The following STARD13 variants were observed in gnomAD, a reference collection of about 807,000 sequenced individuals.
The protein encoded by STARD13 is StAR related lipid transfer domain containing 13.
In STARD13, 62 loss-of-function variants were observed where a neutral mutation model predicts 106.4. The observed-to-expected ratio is 0.58, with a 90% CI of 0.48 to 0.72. STARD13 has a LOEUF of 0.72. Among genes scored for constraint, STARD13 ranks in the 30% least tolerant of loss-of-function variants. The pLI is 0.00. For missense variants in STARD13, 1,387 were observed against 1,424.0 expected, an observed-to-expected ratio of 0.97 and a Z score of 0.42; for synonymous variants, 565 against 553.0, an observed-to-expected ratio of 1.02 and a Z score of -0.31.
the STARD13 span, among the ~76,000 whole-genome samples, chr13:33,602,473 C>T: frequency 6.6e-6 from 1 of 152,158 alleles, no homozygotes; most frequent in Non-Finnish European, 1.5e-5. Flanking sequence ...GAAAAGAAAG[C>T]CAGAGCACAT....
chr13:33,251,983 A>C (rs1317786931), intron 1 of STARD13, among the ~76,000 whole-genome samples: 2 of 152,232 alleles, frequency 1.3e-5, no homozygotes, highest in Non-Finnish European at 2.9e-5. Flanking sequence ...CAAAACGATA[A>C]GCTTTATTCA....
At chr13:33,428,120 A>G in the STARD13 span, among the ~76,000 whole-genome samples, 23 of 152,346 alleles carry the variant, frequency 1.5e-4, no homozygotes, top group East Asian at 4.4e-3. Context: ...AACTGGATAT[A>G]CACATGCAGA....
the STARD13 span, among the ~76,000 whole-genome samples, chr13:33,566,113 T>C: frequency 6.7e-6 from 1 of 148,294 alleles, no homozygotes; most frequent in Non-Finnish European, 1.5e-5. Context: ...CTTCATCTCA[T>C]TACATCAGCA....
intron 1 of STARD13, among the ~76,000 whole-genome samples, chr13:33,225,292 G>A (rs1489221985): frequency 6.6e-6 from 1 of 152,190 alleles, no homozygotes; most frequent in Admixed American, 6.5e-5. Flanking sequence ...TCAGGCAGCT[G>A]TGCAGGGTCT....
the STARD13 span, among the ~76,000 whole-genome samples, chr13:33,566,249 T>C: frequency 2.0e-5 from 3 of 148,550 alleles, 1 homozygote; most frequent in African/African-American, 7.4e-5. Flanking sequence ...TAGTTACTGT[T>C]GGTTATCTCT....
At chr13:33,363,033 C>T in the STARD13 span, among the ~76,000 whole-genome samples, 5 of 152,068 alleles carry the variant, frequency 3.3e-5, no homozygotes, top group Admixed American at 2.6e-4. Context: ...AACTCCAGGA[C>T]CTTTGTCTCC....
chr13:33,422,495 T>C, the STARD13 span, among the ~76,000 whole-genome samples: 3 of 152,104 alleles, frequency 2.0e-5, no homozygotes, highest in Non-Finnish European at 4.4e-5. Context: ...GAAGAATCAA[T>C]ATCATGAAAA....
intron 3 of STARD13, chr13:33,164,073 T>C (rs1332976851): frequency 1.3e-5 from 2 of 152,080 alleles, no homozygotes; most frequent in African/African-American, 4.8e-5. Context: ...ATAAATGTCA[T>C]TTTGAGTTTG....
intron 1 of STARD13, among the ~76,000 whole-genome samples, chr13:33,307,114 T>C (rs1299240038): frequency 6.6e-6 from 1 of 152,140 alleles, no homozygotes; most frequent in East Asian, 1.9e-4. Flanking sequence ...AGATACCATC[T>C]CATGCCACTC....
chr13:33,646,931 T>C, the STARD13 span, among the ~76,000 whole-genome samples: 2 of 152,172 alleles, frequency 1.3e-5, no homozygotes, highest in African/African-American at 4.8e-5. Context: ...CAAAAATTAA[T>C]GATAAAAAGA....
At chr13:33,564,378 GAC>G in the STARD13 span, among the ~76,000 whole-genome samples, 1 of 145,610 alleles carries the variant, frequency 6.9e-6, no homozygotes, top group Non-Finnish European at 1.5e-5. Context: ...TTATCAAAAA[GAC>G]AACGAAAAAT....
the STARD13 span, among the ~76,000 whole-genome samples, chr13:33,372,240 G>A: frequency 6.6e-6 from 1 of 152,140 alleles, no homozygotes; most frequent in African/African-American, 2.4e-5. Flanking sequence ...AGTAAATAGG[G>A]AGTCATAATG....
At chr13:33,508,784 G>A in the STARD13 span, among the ~76,000 whole-genome samples, 1 of 152,284 alleles carries the variant, frequency 6.6e-6, no homozygotes, top group East Asian at 1.9e-4. Flanking sequence ...CAAATTCCGA[G>A]TAATGCATCA....
chr13:33,126,059 A>C, intron 7 of STARD13, 22 bp downstream of exon 7: 1 of 1,610,680 alleles, frequency 6.2e-7, no homozygotes, highest in South Asian at 1.1e-5. Context: ...GTGGGGCAGC[A>C]GCGGGGGGGT....
At chr13:33,379,792 C>G in the STARD13 span, among the ~76,000 whole-genome samples, 1 of 152,210 alleles carries the variant, frequency 6.6e-6, no homozygotes, top group Non-Finnish European at 1.5e-5. Context: ...CATTCTGATC[C>G]CAGGGTTCAC....
At chr13:33,418,702 C>A in the STARD13 span, among the ~76,000 whole-genome samples, 1 of 152,196 alleles carries the variant, frequency 6.6e-6, no homozygotes, top group Non-Finnish European at 1.5e-5. Context: ...CCAACAGACA[C>A]CTCATACAGG....
intron 1 of STARD13, among the ~76,000 whole-genome samples, chr13:33,331,129 C>T (rs2077831007): frequency 6.6e-6 from 1 of 152,136 alleles, no homozygotes; most frequent in Admixed American, 6.5e-5. Flanking sequence ...GCTCTGACCC[C>T]CCTTGCTAGT....
At chr13:33,521,029 G>A in the STARD13 span, among the ~76,000 whole-genome samples, 2 of 152,092 alleles carry the variant, frequency 1.3e-5, no homozygotes, top group Non-Finnish European at 2.9e-5. Context: ...GCATTACTCA[G>A]GACCCATCAC....
chr13:33,666,930 G>T, the STARD13 span, among the ~76,000 whole-genome samples: 1 of 152,194 alleles, frequency 6.6e-6, no homozygotes, highest in African/African-American at 2.4e-5. Flanking sequence ...AAAAGTGGAT[G>T]GATGAATAGA....
Sources: gnomAD v4.1 joint callset for allele counts (sites outside exome capture counted in the v4.1 genomes callset) on GRCh38, gnomAD v4.1.1 for gene constraint, MANE v1.5 for transcripts, NCBI Gene and HGNC (gene_info 2026-07-23, HGNC 2026-07-21) for gene names.